The following ULK4 variants were observed in gnomAD, a reference collection of about 807,000 sequenced individuals.
ULK4 encodes the protein unc-51 like kinase 4.
A neutral mutation model predicts 160.6 loss-of-function variants in ULK4; 133 were observed. The ratio of observed to expected loss-of-function variants is 0.83; its 90% CI spans 0.72 to 0.96. The LOEUF (loss-of-function observed/expected upper bound fraction) is 0.96, where lower values mean the gene tolerates loss of function less well. Among genes scored for constraint, ULK4 ranks in the 40% least tolerant of loss-of-function variants. The probability of loss-of-function intolerance (pLI) is 0.00; values close to 1 mark genes in which losing one functional copy is unlikely to be tolerated. For missense variants in ULK4, 1,580 were observed against 1,499.5 expected (o/e 1.05, Z -0.89); for synonymous variants, 534 against 539.8 (o/e 0.99, Z 0.15).
rs1451638126 is a variant in ULK4 at position 41,506,761 on chromosome 3, A to G, written c.3227-43508T>C. On this transcript the variant is annotated intron_variant, in intron 32 of 36. Transcript: ENST00000301831. Reference sequence around the variant, plus strand: ...CTCCAAAGCAATACACTGGAGTGTGATTTAAAATATATATATATATATATA... The same window carrying G: ...CTCCAAAGCAATACACTGGAGTGTGGTTTAAAATATATATATATATATATA... Among the ~76,000 whole-genome samples, 11 of 44,016 alleles carry G rather than the reference A, an allele frequency of 2.5e-4. 1 individual carries two copies. Among genetic ancestry groups the G allele is most frequent in the Non-Finnish European group, 4.2e-4 (10 of 23,730 alleles). The allele number at this position is 44,016 out of a possible 152,430, so 28.9% of individuals were successfully genotyped here.
chr3:41,571,070 TTTTC>T (rs1463645779), intron 31 of ULK4, among the ~76,000 whole-genome samples: 1 of 152,216 alleles, frequency 6.6e-6, no homozygotes, highest in African/African-American at 2.4e-5. Flanking sequence ...AAAAACACTG[TTTTC>T]TTTATTGTCT....
chr3:41,419,241 T>G (rs765994756), intron 34 of ULK4, among the ~76,000 whole-genome samples: 7 of 152,124 alleles, frequency 4.6e-5, no homozygotes, highest in Non-Finnish European at 8.8e-5. Context: ...GACAGCAGTG[T>G]GCTCGGTGTT....
chr3:41,931,849 A>C lies in ULK4; in HGVS notation c.536T>G (p.Val179Gly), dbSNP rs1699614672. ...NVLKKSMKSR[V>G]KGSPVYTAPE... ...AGCTTTCCAGGTCCACATACCTTTG[A>C]CTCTACTTTTCATGCTTTTCTTCAG... The change falls in exon 5 of 37, where the codon GTC becomes GGC. Residue 179 changes from valine (V) to glycine (G), a missense_variant. Physicochemically the swap from Val to Gly is moderately radical, Grantham distance 109. Coordinates refer to ENST00000301831, the MANE Select transcript of ULK4 (RefSeq NM_017886.4). 3.7e-6 allele frequency: 6 copies of C among 1,613,770 alleles called. No individual in the cohort carries two copies. Among genetic ancestry groups the C allele is most frequent in the Non-Finnish European group, 4.2e-6 (5 of 1,179,930 alleles).
chr3:41,562,265 A>G (rs1199170005), intron 32 of ULK4, among the ~76,000 whole-genome samples: 2 of 152,164 alleles, frequency 1.3e-5, no homozygotes, highest in Admixed American at 6.5e-5. Flanking sequence ...TTTGCTGAGG[A>G]GTGCTTTACT....
chr3:41,274,340 G>A (rs903602691), intron 35 of ULK4, among the ~76,000 whole-genome samples: 2 of 152,128 alleles, frequency 1.3e-5, no homozygotes, highest in African/African-American at 4.8e-5. Flanking sequence ...TTGTGCATGT[G>A]CATTGGTTTG....
intron 35 of ULK4, among the ~76,000 whole-genome samples, chr3:41,350,227 T>TG: frequency 6.6e-6 from 1 of 152,224 alleles, no homozygotes; most frequent in East Asian, 1.9e-4. Context: ...AGGGGTAGCA[T>TG]GTTCTTGATC....
chr3:41,275,465 C>T (rs1282187377), intron 35 of ULK4, among the ~76,000 whole-genome samples: 1 of 152,212 alleles, frequency 6.6e-6, no homozygotes, highest in Non-Finnish European at 1.5e-5. Flanking sequence ...AAAGATCCAA[C>T]TTAAAAAGAA....
At chr3:41,531,879 A>C (rs1265212629) in intron 32 of ULK4, among the ~76,000 whole-genome samples, 3 of 152,206 alleles carry the variant, frequency 2.0e-5, no homozygotes, top group Admixed American at 2.0e-4. Flanking sequence ...TTCTCACAGT[A>C]ATCTCTCAAG....
intron 32 of ULK4, among the ~76,000 whole-genome samples, chr3:41,553,972 C>T (rs1691990): frequency 0.45 from 68,296 of 151,904 alleles, 16,045 homozygotes; most frequent in Middle Eastern, 0.54. Flanking sequence ...CCCACTTCCC[C>T]CACCACCAAA....
At chr3:41,548,325 A>G (rs571169780) in intron 32 of ULK4, among the ~76,000 whole-genome samples, 1 of 152,134 alleles carries the variant, frequency 6.6e-6, no homozygotes, top group East Asian at 1.9e-4. Context: ...CACAGGACCC[A>G]GCCTACCCCA....
intron 17 of ULK4, among the ~76,000 whole-genome samples, chr3:41,878,902 C>A (rs1440847350): frequency 1.7e-5 from 2 of 117,420 alleles, no homozygotes; most frequent in Non-Finnish European, 3.9e-5. Flanking sequence ...TTCCCCAAGC[C>A]ATCCCCCCAA....
intron 34 of ULK4, among the ~76,000 whole-genome samples, chr3:41,411,154 A>C (rs1243178820): frequency 6.6e-6 from 1 of 152,176 alleles, no homozygotes; most frequent in Non-Finnish European, 1.5e-5. Context: ...TGTAAATCAA[A>C]AACAAAATCC....
At chr3:41,640,498 C>T (rs535346016) in intron 30 of ULK4, among the ~76,000 whole-genome samples, 4 of 152,292 alleles carry the variant, frequency 2.6e-5, no homozygotes, top group African/African-American at 9.6e-5. Context: ...AAGCCTAAGG[C>T]TCTTCCTAGC....
rs1445287159 is a variant in ULK4 at position 41,506,768 on chromosome 3, ATATATAT to A, written c.3227-43522_3227-43516del. On this transcript the variant is annotated intron_variant, in intron 32 of 36. Coordinates refer to ENST00000301831, the MANE Select transcript of ULK4 (RefSeq NM_017886.4). Reference sequence around the variant, plus strand: ...GCAATACACTGGAGTGTGATTTAAAATATATATATATATATATATATATATATATATA... The same window carrying A: ...GCAATACACTGGAGTGTGATTTAAAAATATATATATATATATATATATATA... 2.4e-4 allele frequency among the ~76,000 whole-genome samples: 16 copies of A among 66,742 alleles called. 1 individual carries two copies. The highest frequency in any genetic ancestry group is 5.7e-3 in the Middle Eastern group (1 of 174). 43.8% of individuals were successfully genotyped at this position (66,742 alleles called of 152,430 possible). A position where few individuals can be genotyped will look rare whatever the true frequency, so the allele number is the denominator to read the frequency against.
At chr3:41,471,391 T>C (rs755164340) in intron 32 of ULK4, among the ~76,000 whole-genome samples, 9 of 152,080 alleles carry the variant, frequency 5.9e-5, no homozygotes, top group Non-Finnish European at 1.3e-4. Flanking sequence ...TAGACTGCAA[T>C]ACAAGAATAG....
chr3:41,308,476 A>G (rs79764914), intron 35 of ULK4, among the ~76,000 whole-genome samples: 5 of 152,302 alleles, frequency 3.3e-5, no homozygotes, highest in East Asian at 1.9e-4. Context: ...AGAAGAAGGA[A>G]TCAGAAAAGG....
chr3:41,762,181 G>C (rs796321193), intron 21 of ULK4, among the ~76,000 whole-genome samples: 4 of 151,936 alleles, frequency 2.6e-5, no homozygotes, highest in African/African-American at 9.7e-5. Flanking sequence ...TAAACAAACC[G>C]TAAGAGAAAA....
chr3:41,633,458 A>G (rs528402536), intron 30 of ULK4, among the ~76,000 whole-genome samples: 1 of 152,302 alleles, frequency 6.6e-6, no homozygotes, highest in South Asian at 2.1e-4. Flanking sequence ...AACAGAGACC[A>G]TATGGCCTGC....
At chr3:41,909,237 G>C (rs1698689109) in intron 11 of ULK4, among the ~76,000 whole-genome samples, 1 of 151,940 alleles carries the variant, frequency 6.6e-6, no homozygotes, top group African/African-American at 2.4e-5. Context: ...TTCCAGCCTG[G>C]GCAACAGAGC....
Sources: allele counts gnomAD v4.1 joint callset (sites outside exome capture counted in the v4.1 genomes callset), GRCh38; gene constraint gnomAD v4.1.1; transcripts MANE v1.5; gene names NCBI Gene and HGNC (gene_info 2026-07-23, HGNC 2026-07-21).